Variants in GCA observed in about 807,000 individuals in gnomAD.
The protein encoded by GCA is grancalcin, EF-hand calcium-binding protein.
GCA carries 30 observed loss-of-function variants against 32.6 expected under a neutral mutation model. That is an observed-to-expected ratio of 0.92 (90% CI 0.69 to 1.25). The LOEUF (loss-of-function observed/expected upper bound fraction) is 1.25, where lower values mean the gene tolerates loss of function less well. Among genes scored for constraint, GCA ranks in the 50% most tolerant of loss-of-function variants. The probability of loss-of-function intolerance (pLI) is 0.00; values close to 1 mark genes in which losing one functional copy is unlikely to be tolerated. For missense variants in GCA, 291 were observed against 266.8 expected (o/e 1.09, Z -0.63); for synonymous variants, 102 against 84.6 (o/e 1.21, Z -1.13).
intron 2 of GCA, among the ~76,000 whole-genome samples, chr2:162,351,513 T>G (rs1008971224): frequency 3.3e-5 from 5 of 152,194 alleles, no homozygotes; most frequent in African/African-American, 1.2e-4. Flanking sequence ...AGCTGCAGTT[T>G]TGTAAGGGGT....
At position 162,360,336 on chromosome 2, in the gene GCA, TG is replaced by T; in HGVS notation, c.*94del. 2 of 1,516,914 alleles carry T rather than the reference TG, an allele frequency of 1.3e-6. No homozygotes were observed. Among genetic ancestry groups the T allele is most frequent in the Non-Finnish European group, 1.8e-6 (2 of 1,135,938 alleles). 94.0% of individuals were successfully genotyped at this position (1,516,914 alleles called of 1,614,324 possible). A position where few individuals can be genotyped will look rare whatever the true frequency, so the allele number is the denominator to read the frequency against. On this transcript the variant is annotated 3_prime_UTR_variant, in exon 8 of 8. Coordinates refer to ENST00000437150, the MANE Select transcript of GCA (RefSeq NM_012198.5). ...CTTTAAAACTTTTAAGGGTTTTCTATGTTCTTCCTACCTGTTAAACCTCTTC... is the reference window on the plus strand; with the variant it reads ...CTTTAAAACTTTTAAGGGTTTTCTATTTCTTCCTACCTGTTAAACCTCTTC...
At chr2:162,373,227 A>G (rs979636888), downstream of GCA, among the ~76,000 whole-genome samples, 1 of 152,198 alleles carries the variant, frequency 6.6e-6, no homozygotes, top group Non-Finnish European at 1.5e-5. Context: ...TTTAAAAAAA[A>G]TGCTAATGTT....
At chr2:162,340,984 T>G (rs1232697097), upstream of GCA, among the ~76,000 whole-genome samples, 1 of 152,094 alleles carries the variant, frequency 6.6e-6, no homozygotes, top group Non-Finnish European at 1.5e-5. Context: ...TCCTTATTTT[T>G]CAATAGCATT....
At chr2:162,371,669 A>T, downstream of GCA, 1 of 818,990 alleles carries the variant, frequency 1.2e-6, no homozygotes. Context: ...CTAACTGCTC[A>T]GTTTTACCTT....
chr2:162,324,317 T>C (rs997919257), intron 1 of GCA, among the ~76,000 whole-genome samples: 1 of 152,128 alleles, frequency 6.6e-6, no homozygotes, highest in Non-Finnish European at 1.5e-5. Context: ...AAGCTTTATA[T>C]TGAGTGGAGG....
chr2:162,372,946 G>A (rs1312116014), downstream of GCA, among the ~76,000 whole-genome samples: 44 of 152,068 alleles, frequency 2.9e-4, 1 homozygote, highest in Admixed American at 2.8e-3. Context: ...GAGATCTCTG[G>A]TGATGGGTGG....
intron 1 of GCA, among the ~76,000 whole-genome samples, chr2:162,339,042 T>C (rs1684360794): frequency 6.6e-6 from 1 of 152,176 alleles, no homozygotes; most frequent in East Asian, 1.9e-4. Context: ...GAAAACTGTG[T>C]TATTGAGAGC....
At chr2:162,337,024 G>A (rs1255773918) in intron 1 of GCA, among the ~76,000 whole-genome samples, 1 of 152,214 alleles carries the variant, frequency 6.6e-6, no homozygotes, top group East Asian at 1.9e-4. Flanking sequence ...GGGAATTTAA[G>A]TTCTGGAATT....
In GCA at chr2:162,344,206, A is replaced by T. The variant is rs773790858; in HGVS notation, c.-43A>T. 2.1e-5 allele frequency: 34 copies of T among 1,612,652 alleles called. No homozygotes were observed. Among genetic ancestry groups the T allele is most frequent in the African/African-American group, 9.4e-5 (7 of 74,860 alleles). On this transcript the variant is annotated 5_prime_UTR_variant, in exon 1 of 8. Transcript: ENST00000437150. ...TGTGCTTTTTCTCCCAGCACTGCGG[A>T]CGCGACTCGAGGGTGACGCTCGCTC... is the stretch of plus-strand genomic sequence containing the variant.
chr2:162,333,294 T>G (rs1253453977), intron 1 of GCA, among the ~76,000 whole-genome samples: 1 of 152,128 alleles, frequency 6.6e-6, no homozygotes, highest in Non-Finnish European at 1.5e-5. Flanking sequence ...AGACACCTAT[T>G]TATTAAGATC....
chr2:162,351,209 T>C (rs1185559243), intron 2 of GCA, among the ~76,000 whole-genome samples: 1 of 152,210 alleles, frequency 6.6e-6, no homozygotes, highest in Admixed American at 6.5e-5. Flanking sequence ...CTTTAACTTT[T>C]GTATGCACAC....
chr2:162,338,582 C>G (rs1684346902), intron 1 of GCA, among the ~76,000 whole-genome samples: 2 of 152,092 alleles, frequency 1.3e-5, no homozygotes, highest in Admixed American at 6.5e-5. Context: ...CAGAATTTAA[C>G]TGACATATTT....
chr2:162,322,275 C>A (rs575539722), intron 1 of GCA, among the ~76,000 whole-genome samples: 3 of 151,548 alleles, frequency 2.0e-5, no homozygotes, highest in Admixed American at 2.0e-4. Context: ...ATTCATTTTT[C>A]AAGTACTCCT....
In GCA at chr2:162,337,681, C is replaced by T. The variant is rs375685388; in HGVS notation, c.-30-9897C>T. On this transcript the variant is annotated intron_variant, in intron 1 of 4. Coordinates refer to the GCA transcript ENST00000429691. ...CATGGGTCGTCATCTACATTAGTACCTATCACAATTCTTACCCCTCTTTGT... is the reference window on the plus strand; with the variant it reads ...CATGGGTCGTCATCTACATTAGTACTTATCACAATTCTTACCCCTCTTTGT... Among the ~76,000 whole-genome samples, 18 of 152,334 alleles carry T rather than the reference C, an allele frequency of 1.2e-4. No homozygotes were observed. In the East Asian group the frequency reaches 3.1e-3, roughly 26 times the overall value.
rs184613256 is a variant in GCA at position 162,329,869 on chromosome 2, G to A, written c.-31+10644G>A. Among the ~76,000 whole-genome samples, 95 of 151,962 alleles carry A rather than the reference G, an allele frequency of 6.3e-4. 2 individuals are homozygous for A. The highest frequency in any genetic ancestry group is 2.1e-3 in the African/African-American group (87 of 41,426). ...TATCCAGTAGGCCACAGCGTGTGTC[G>A]TTCCCCCATGTGTTCTCATCATTTA... On this transcript the variant is annotated intron_variant, in intron 1 of 4. Transcript: ENST00000429691.
At chr2:162,328,689 A>G (rs1275715260) in intron 1 of GCA, among the ~76,000 whole-genome samples, 3 of 152,110 alleles carry the variant, frequency 2.0e-5, no homozygotes, top group African/African-American at 4.8e-5. Context: ...TAGTTTTGCT[A>G]TCTATAGATG....
At chr2:162,333,329 G>A (rs1281886007) in intron 1 of GCA, among the ~76,000 whole-genome samples, 3 of 152,096 alleles carry the variant, frequency 2.0e-5, no homozygotes, top group Admixed American at 1.3e-4. Context: ...ATTTTATAAT[G>A]TAAATGTATA....
At chr2:162,371,225 G>A (rs539363843) in intron 4 of GCA, 6 of 542,104 alleles carry the variant, frequency 1.1e-5, no homozygotes, top group African/African-American at 5.8e-5. Flanking sequence ...TCTCATTACT[G>A]TTGGCCTATG....
chr2:162,335,414 C>CAAA (rs573005587), intron 1 of GCA, among the ~76,000 whole-genome samples: 4 of 58,272 alleles, frequency 6.9e-5, no homozygotes, highest in Admixed American at 1.9e-4. Flanking sequence ...GACTCTGTCT[C>CAAA]AAAAAAAAAA....
Sources: gnomAD v4.1 joint callset for allele counts (sites outside exome capture counted in the v4.1 genomes callset) on GRCh38, gnomAD v4.1.1 for gene constraint, MANE v1.5 for transcripts, NCBI Gene and HGNC (gene_info 2026-07-23, HGNC 2026-07-21) for gene names.